ELL: variants seen among roughly 807,000 people sequenced by gnomAD.
ELL encodes the protein RNA polymerase II elongation factor ELL.
ELL carries 18 observed loss-of-function variants against 64.0 expected under a neutral mutation model. The ratio of observed to expected loss-of-function variants is 0.28; its 90% confidence interval spans 0.19 to 0.42. ELL has a LOEUF of 0.42. Among genes scored for constraint, ELL ranks in the 10% least tolerant of loss-of-function variants. The probability of loss-of-function intolerance (pLI) is 1.00; values close to 1 mark genes in which losing one functional copy is unlikely to be tolerated. For missense variants in ELL, 797 were observed against 870.4 expected (o/e 0.92, Z 1.06); for synonymous variants, 399 against 376.2 (o/e 1.06, Z -0.70).
At position 18,444,858 on chromosome 19, in the gene ELL, T is replaced by C. The variant is rs150693262; in HGVS notation, c.1760A>G (p.Asn587Ser). 433 of 1,611,634 alleles carry C rather than the reference T, an allele frequency of 2.7e-4. No homozygotes were observed. Among genetic ancestry groups the C allele is most frequent in the Middle Eastern group, 5.6e-4 (3 of 5,384 alleles). The change falls in exon 12 of 12, where the codon AAC becomes AGC. Residue 587 changes from asparagine (N) to serine (S), a missense_variant. Asn to Ser is a conservative substitution (Grantham distance 46). Coordinates refer to ENST00000262809, the MANE Select transcript of ELL (RefSeq NM_006532.4). ...EYRKIKKTNT[N>S]YSQEKHRCEY... ...GCAGCGGTGCTTCTCCTGGCTGTAG[T>C]TGGTGTTGGTCTGTGGGACAGCACA...
At chr19:18,458,386 G>A in intron 5 of ELL, 57 bp from the exon 6 acceptor site, 4 of 1,578,528 alleles carry the variant, frequency 2.5e-6, no homozygotes, top group Admixed American at 3.5e-5. Flanking sequence ...CGGGGGACTA[G>A]AGAAAAAAGA....
At chr19:18,459,145 C>T (rs895212991) in intron 5 of ELL, among the ~76,000 whole-genome samples, 4 of 152,232 alleles carry the variant, frequency 2.6e-5, no homozygotes, top group Admixed American at 6.5e-5. Flanking sequence ...TCCCAAAGTG[C>T]TGGAAACAGG....
intron 1 of ELL, among the ~76,000 whole-genome samples, chr19:18,496,839 C>G (rs1975665120): frequency 6.6e-6 from 1 of 152,240 alleles, no homozygotes; most frequent in Non-Finnish European, 1.5e-5. Context: ...AAAGTCTAGT[C>G]TGAAATGACA....
At chr19:18,451,751 A>AC (rs35674656) in intron 6 of ELL, 103 bp from the exon 7 acceptor site, 25 of 901,634 alleles carry the variant, frequency 2.8e-5, no homozygotes, top group East Asian at 6.6e-5. Flanking sequence ...CAAGGAAGGG[A>AC]CCCCCCTCCT....
At chr19:18,488,836 A>T (rs1975469523) in intron 1 of ELL, among the ~76,000 whole-genome samples, 1 of 152,202 alleles carries the variant, frequency 6.6e-6, no homozygotes, top group Non-Finnish European at 1.5e-5. Context: ...GACTCTCCCA[A>T]AATGACGAGG....
rs1975786090 is a variant in ELL, at chr19:18,501,903, C to T, written c.135+20018G>A. Among the ~76,000 whole-genome samples the T allele has an allele frequency of 1.3e-5, 2 of 151,898 alleles. No individual in the cohort carries two copies. Among genetic ancestry groups the T allele is most frequent in the Admixed American group, 1.3e-4 (2 of 15,254 alleles). On this transcript the variant is annotated intron_variant, in intron 1 of 11. Transcript: ENST00000262809. The surrounding 1 kb of genome is among the most constrained non-coding windows in gnomAD (Gnocchi z 4.5). ...AGGACAGCCCTTTCCAAAAGAAGGC[C>T]CTGAACACAGTCAAGAGGAAGAGGA... is the stretch of plus-strand genomic sequence containing the variant.
rs1442664089 is a variant in ELL at position 18,449,686 on chromosome 19, C to T, written c.1465+791G>A. Among the ~76,000 whole-genome samples, 1 of 152,204 alleles carries T rather than the reference C, an allele frequency of 6.6e-6. No homozygotes were observed. The highest frequency in any genetic ancestry group is 1.5e-5 in the Non-Finnish European group (1 of 68,022). Reference sequence around the variant, plus strand: ...ACCTGGGCTGCCCTGGGCCAGCTGGCGCCGAGAGCGAAGTGGCCATCTGCA... The same window carrying T: ...ACCTGGGCTGCCCTGGGCCAGCTGGTGCCGAGAGCGAAGTGGCCATCTGCA... On this transcript the variant is annotated intron_variant, in intron 8 of 11. Transcript: ENST00000262809. This position sits in a 1 kb window ranked among gnomAD's most constrained non-coding sequence, Gnocchi z 4.4.
At chr19:18,497,781 A>C (rs1975690424) in intron 1 of ELL, among the ~76,000 whole-genome samples, 2 of 137,754 alleles carry the variant, frequency 1.5e-5, no homozygotes, top group Non-Finnish European at 1.5e-5. Context: ...TATGCTACTG[A>C]CTCCAGCCTA....
chr19:18,460,335 G>A (rs1477582509), intron 5 of ELL, among the ~76,000 whole-genome samples: 2 of 152,180 alleles, frequency 1.3e-5, no homozygotes, highest in African/African-American at 4.8e-5. Context: ...AGAAGCAGAC[G>A]AGCTGTCCAG....
At chr19:18,456,027 A>G (rs995427307) in intron 6 of ELL, among the ~76,000 whole-genome samples, 7 of 151,684 alleles carry the variant, frequency 4.6e-5, no homozygotes, top group Non-Finnish European at 8.8e-5. Flanking sequence ...AACCCAGGAG[A>G]CGGACGTTGC....
intron 4 of ELL, among the ~76,000 whole-genome samples, chr19:18,462,335 C>CTCTGTGTG (rs1974841489): frequency 1.5e-5 from 1 of 64,982 alleles, no homozygotes; most frequent in Non-Finnish European, 2.5e-5. Flanking sequence ...CTCTAGTGGG[C>CTCTGTGTG]TGTGTGTGTG....
intron 6 of ELL, 50 bp from the exon 7 acceptor site, chr19:18,451,698 G>C: frequency 7.0e-7 from 1 of 1,421,188 alleles, no homozygotes; most frequent in Non-Finnish European, 9.2e-7. Flanking sequence ...GGGGCCTAGG[G>C]GCCCCAGGCC....
At chr19:18,486,459 C>T (rs964448853) in intron 1 of ELL, among the ~76,000 whole-genome samples, 76 of 152,198 alleles carry the variant, frequency 5.0e-4, no homozygotes, top group Middle Eastern at 3.4e-3. Flanking sequence ...GCCAAGCTAC[C>T]AAGGCACACA....
intron 6 of ELL, among the ~76,000 whole-genome samples, chr19:18,456,978 A>C (rs951620357): frequency 6.7e-6 from 1 of 149,112 alleles, no homozygotes; most frequent in African/African-American, 2.5e-5. Context: ...AAAAAAAAAC[A>C]GCTATGCAGA....
intron 1 of ELL, among the ~76,000 whole-genome samples, chr19:18,474,630 A>C (rs1568386078): frequency 6.6e-6 from 1 of 152,214 alleles, no homozygotes; most frequent in Non-Finnish European, 1.5e-5. Flanking sequence ...GTCCTGTTCC[A>C]AGACCAGGAA....
At chr19:18,459,070 G>A (rs1292906789) in intron 5 of ELL, among the ~76,000 whole-genome samples, 1 of 152,152 alleles carries the variant, frequency 6.6e-6, no homozygotes, top group Non-Finnish European at 1.5e-5. Flanking sequence ...TGTATAGATA[G>A]GATCTCAGTA....
intron 1 of ELL, among the ~76,000 whole-genome samples, chr19:18,491,301 T>TG (rs1975528734): frequency 7.6e-6 from 1 of 131,764 alleles, no homozygotes; most frequent in Non-Finnish European, 1.6e-5. Context: ...TTAGTAGAGA[T>TG]GGAGTCTTAC....
At chr19:18,459,850 A>G (rs561126526) in intron 5 of ELL, among the ~76,000 whole-genome samples, 26 of 152,232 alleles carry the variant, frequency 1.7e-4, no homozygotes, top group African/African-American at 6.3e-4. Context: ...TTAACAGTTG[A>G]GTAATATCCC....
At chr19:18,508,204 A>C (rs1266408933) in intron 1 of ELL, among the ~76,000 whole-genome samples, 1 of 152,164 alleles carries the variant, frequency 6.6e-6, no homozygotes, top group Non-Finnish European at 1.5e-5. Flanking sequence ...GCACTTTGGG[A>C]GGCCAAGGCG....
Sources: gnomAD v4.1 joint callset for allele counts (sites outside exome capture counted in the v4.1 genomes callset) on GRCh38, gnomAD v4.1.1 for gene constraint, Gnocchi (gnomAD v3.1) non-coding constraint, MANE v1.5 for transcripts, NCBI Gene and HGNC (gene_info 2026-07-23, HGNC 2026-07-21) for gene names.